CDK14: variants seen among roughly 807,000 people sequenced by gnomAD.
CDK14 encodes cyclin dependent kinase 14, also known as cyclin-dependent kinase 14.
In CDK14, 34 loss-of-function variants were observed where a neutral mutation model predicts 60.7. That is an observed-to-expected ratio of 0.56 (90% CI 0.43 to 0.75). CDK14 has a LOEUF of 0.75. CDK14 is among the 30% of genes least tolerant of loss of function. The probability of loss-of-function intolerance (pLI) is 0.00; values close to 1 mark genes in which losing one functional copy is unlikely to be tolerated. For missense variants in CDK14, 482 were observed against 564.1 expected, an observed-to-expected ratio of 0.85 and a Z score of 1.47; for synonymous variants, 197 against 203.7, an observed-to-expected ratio of 0.97 and a Z score of 0.28.
intron 11 of CDK14, among the ~76,000 whole-genome samples, chr7:91,078,601 T>C (rs1428856264): frequency 6.6e-6 from 1 of 152,048 alleles, no homozygotes. Flanking sequence ...AGCAAGGCTC[T>C]GTCTGAAAAA....
intron 10 of CDK14, among the ~76,000 whole-genome samples, chr7:90,998,612 G>A (rs1321482262): frequency 6.6e-6 from 1 of 152,218 alleles, no homozygotes; most frequent in East Asian, 1.9e-4. Flanking sequence ...AAATAGGCCG[G>A]GCGCGGTGGC....
chr7:91,189,347 A>C, intron 14 of CDK14, among the ~76,000 whole-genome samples: 1 of 152,190 alleles, frequency 6.6e-6, no homozygotes, highest in Non-Finnish European at 1.5e-5. Context: ...CATTATACAA[A>C]TAATAAATGC....
At chr7:91,063,148 C>G (rs1797859786) in intron 11 of CDK14, among the ~76,000 whole-genome samples, 1 of 152,126 alleles carries the variant, frequency 6.6e-6, no homozygotes. Context: ...GGTTCTGACT[C>G]CTAGGCTTGT....
In CDK14 at chr7:91,186,650, G is replaced by C. The variant is rs544117678; in HGVS notation, c.*29-20515G>C. Among the ~76,000 whole-genome samples, 3 of 152,166 alleles carry C rather than the reference G, an allele frequency of 2.0e-5. No homozygotes were observed. The East Asian group carries it at 5.8e-4, about 30-fold the overall frequency. On this transcript the variant is annotated intron_variant, in intron 14 of 14. Coordinates refer to ENST00000380050, the MANE Select transcript of CDK14 (RefSeq NM_001287135.2). ...TCTTTGGAGAAAAATATTTATTCAG[G>C]TTAATTTTCTTCACCAGCAGGACAC...
chr7:90,765,266 C>A (rs1038958061), intron 4 of CDK14, among the ~76,000 whole-genome samples: 2 of 151,830 alleles, frequency 1.3e-5, no homozygotes. Flanking sequence ...TTTTTTTTTA[C>A]TACTTGTTCT....
chr7:91,046,155 T>C (rs1250427197), intron 11 of CDK14, among the ~76,000 whole-genome samples, 195 bp downstream of exon 11: 2 of 152,180 alleles, frequency 1.3e-5, no homozygotes, highest in Non-Finnish European at 2.9e-5. Context: ...AAGACATCCC[T>C]GATGATTTTC....
chr7:91,053,554 C>T (rs941275364), intron 11 of CDK14, among the ~76,000 whole-genome samples: 1 of 152,190 alleles, frequency 6.6e-6, no homozygotes, highest in Non-Finnish European at 1.5e-5. Context: ...TATTCTTCCG[C>T]CCTTTAAACC....
intron 2 of CDK14, among the ~76,000 whole-genome samples, chr7:90,694,265 A>G (rs1801613139): frequency 6.6e-6 from 1 of 152,216 alleles, no homozygotes; most frequent in Non-Finnish European, 1.5e-5. Flanking sequence ...TGATTACATT[A>G]TAAATACTAA....
At chr7:90,724,705 C>T (rs904896431) in intron 2 of CDK14, among the ~76,000 whole-genome samples, 1 of 151,934 alleles carries the variant, frequency 6.6e-6, no homozygotes, top group Non-Finnish European at 1.5e-5. Flanking sequence ...TATTTTCTGT[C>T]ATCCTTATCT....
chr7:90,712,439 C>T (rs1489537266), intron 2 of CDK14, among the ~76,000 whole-genome samples: 3 of 151,852 alleles, frequency 2.0e-5, no homozygotes, highest in African/African-American at 7.3e-5. Context: ...AGCATGTTTT[C>T]AAGGTTCATC....
At chr7:90,846,803 C>T (rs1213349669) in intron 5 of CDK14, among the ~76,000 whole-genome samples, 1 of 152,052 alleles carries the variant, frequency 6.6e-6, no homozygotes, top group Non-Finnish European at 1.5e-5. Context: ...CAAAGTGGCC[C>T]CCAGCATCCT....
At chr7:90,714,721 A>C (rs1254862448) in intron 2 of CDK14, among the ~76,000 whole-genome samples, 1 of 152,084 alleles carries the variant, frequency 6.6e-6, no homozygotes, top group Non-Finnish European at 1.5e-5. Context: ...TTTCCTGAAC[A>C]CTTTGATGGA....
intron 10 of CDK14, among the ~76,000 whole-genome samples, chr7:90,999,416 G>A (rs548301658): frequency 7.2e-5 from 8 of 110,832 alleles, no homozygotes; most frequent in South Asian, 3.1e-4. Flanking sequence ...GTGAAACCCC[G>A]TCTCTACTTA....
intron 5 of CDK14, among the ~76,000 whole-genome samples, chr7:90,851,811 T>C (rs1339604438): frequency 1.3e-5 from 2 of 152,014 alleles, no homozygotes; most frequent in Non-Finnish European, 2.9e-5. Context: ...TGAAGTTACC[T>C]TGCTAATTTA....
At chr7:91,008,150 C>CAACAAAAA (rs1412806812) in intron 10 of CDK14, among the ~76,000 whole-genome samples, 1 of 89,548 alleles carries the variant, frequency 1.1e-5, no homozygotes, top group African/African-American at 4.1e-5. Context: ...AAAAAACAAA[C>CAACAAAAA]AAAAAAAAAC....
In CDK14 at chr7:90,596,483, T is replaced by C; in HGVS notation, c.-145T>C. 1.7e-6 allele frequency: 1 copy of C among 587,614 alleles called. No homozygotes were observed. 36.4% of individuals were successfully genotyped at this position (587,614 alleles called of 1,614,324 possible). On this transcript the variant is annotated 5_prime_UTR_variant, in exon 1 of 15. Transcript: ENST00000380050. ...GTCCTCCGCCTGCCTGCTGCTCGCCTCCCTAGACCTGCGCGTCGCTTCCCG... is the reference window on the plus strand; with the variant it reads ...GTCCTCCGCCTGCCTGCTGCTCGCCCCCCTAGACCTGCGCGTCGCTTCCCG...
Position 90,728,737 on chromosome 7 carries a change from G to T in CDK14, c.369+1925G>T, listed in dbSNP as rs557800243. 1.4e-4 allele frequency among the ~76,000 whole-genome samples: 22 copies of T among 152,174 alleles called. No individual in the cohort carries two copies. In the East Asian group the frequency reaches 4.3e-3, roughly 29 times the overall value. ...ATGTCATGCCTCTTGGAGAGAAACT[G>T]TTGGCTGTCAGTTTATGTTATGAGT... On this transcript the variant is annotated intron_variant, in intron 3 of 14. Transcript: ENST00000380050.
At chr7:90,882,706 C>T (rs1791803234) in intron 6 of CDK14, among the ~76,000 whole-genome samples, 1 of 152,178 alleles carries the variant, frequency 6.6e-6, no homozygotes, top group Non-Finnish European at 1.5e-5. Flanking sequence ...GTAAATCACT[C>T]CCCAGCAAAT....
chr7:91,057,618 A>G (rs577991043), intron 11 of CDK14, among the ~76,000 whole-genome samples: 2 of 152,302 alleles, frequency 1.3e-5, no homozygotes, highest in South Asian at 2.1e-4. Context: ...TCAGCTTTCT[A>G]CATATGGCTA....
Sources: gnomAD v4.1 joint callset for allele counts (sites outside exome capture counted in the v4.1 genomes callset) on GRCh38, gnomAD v4.1.1 for gene constraint, MANE v1.5 for transcripts, NCBI Gene and HGNC (gene_info 2026-07-23, HGNC 2026-07-21) for gene names.